Variants in MCPH1 observed in about 807,000 individuals in gnomAD.
The protein encoded by MCPH1 is microcephalin 1.
A neutral mutation model predicts 84.5 loss-of-function variants in MCPH1; 104 were observed. The observed-to-expected ratio is 1.23, with a 90% CI of 1.05 to 1.45. The LOEUF (loss-of-function observed/expected upper bound fraction) is 1.45. Ranked by LOEUF, MCPH1 falls within the 40% of genes most tolerant of loss-of-function variation. The probability of loss-of-function intolerance (pLI) is 0.00; values close to 1 mark genes in which losing one functional copy is unlikely to be tolerated. For synonymous variants in MCPH1, 514 were observed against 366.8 expected (o/e 1.40, Z -4.58); for missense variants, 1,498 against 1,005.7 (o/e 1.49, Z -6.62).
At chr8:6,462,722 T>A (rs1806417106) in intron 9 of MCPH1, among the ~76,000 whole-genome samples, 1 of 152,220 alleles carries the variant, frequency 6.6e-6, no homozygotes. Context: ...CTTCTTTGTG[T>A]ATAAAACAGG....
chr8:6,476,124 T>G (rs1180403494), intron 9 of MCPH1, among the ~76,000 whole-genome samples: 2 of 152,168 alleles, frequency 1.3e-5, no homozygotes, highest in African/African-American at 4.8e-5. Context: ...AGATAATTTG[T>G]AAGCTGTAAT....
At chr8:6,561,601 A>G (rs1406214236) in intron 12 of MCPH1, among the ~76,000 whole-genome samples, 2 of 152,246 alleles carry the variant, frequency 1.3e-5, no homozygotes, top group African/African-American at 4.8e-5. Context: ...AAGACTTTAC[A>G]TAGCTTTAGA....
chr8:6,616,446 A>G (rs1025076805), intron 12 of MCPH1: 5 of 152,242 alleles, frequency 3.3e-5, no homozygotes, highest in African/African-American at 1.2e-4. Context: ...GTCTGCCTTA[A>G]CTGACTTGGA....
intron 12 of MCPH1, among the ~76,000 whole-genome samples, chr8:6,591,002 A>C (rs1193929055): frequency 6.6e-6 from 1 of 152,240 alleles, no homozygotes; most frequent in Non-Finnish European, 1.5e-5. Context: ...CCTGGGCTCA[A>C]GTAATTCTGC....
chr8:6,609,369 A>G (rs906206226), intron 12 of MCPH1, among the ~76,000 whole-genome samples: 10 of 152,238 alleles, frequency 6.6e-5, no homozygotes, highest in Non-Finnish European at 1.0e-4. Context: ...GTTGAAAACT[A>G]TGAGGCATGA....
intron 9 of MCPH1, among the ~76,000 whole-genome samples, chr8:6,474,855 C>G (rs886584207): frequency 6.6e-6 from 1 of 152,146 alleles, no homozygotes; most frequent in Non-Finnish European, 1.5e-5. Flanking sequence ...AATAATAATA[C>G]TTAATGCTGA....
At chr8:6,460,545 C>T (rs1585899826) in intron 9 of MCPH1, among the ~76,000 whole-genome samples, 1 of 152,122 alleles carries the variant, frequency 6.6e-6, no homozygotes, top group East Asian at 1.9e-4. Flanking sequence ...TTCCAGTTCT[C>T]TGTCAAAATT....
chr8:6,407,607 G>C (rs1797926770), intron 1 of MCPH1, among the ~76,000 whole-genome samples: 1 of 152,206 alleles, frequency 6.6e-6, no homozygotes, highest in South Asian at 2.1e-4. Flanking sequence ...ATAGCCAAAA[G>C]TAAAGACTAG....
intron 13 of MCPH1, chr8:6,625,990 G>T: frequency 1.0e-6 from 1 of 985,190 alleles, no homozygotes; most frequent in Non-Finnish European, 1.2e-6. Flanking sequence ...AGGAAGGTGG[G>T]TACTGAAACG....
Position 6,480,891 on chromosome 8 carries a change from T to C in MCPH1, c.2136+15T>C, listed in dbSNP as rs1290443530. On this transcript the variant is annotated intron_variant, in intron 11 of 13. Transcript: ENST00000344683. ...CTTATGATTGGGTAAGCCCTGTGTG[T>C]GAACTGCGTATTTTAAAACAAGGCA... 1 of 1,613,374 alleles carries C rather than the reference T, an allele frequency of 6.2e-7. No homozygotes were observed. Among genetic ancestry groups the C allele is most frequent in the Non-Finnish European group, 8.5e-7 (1 of 1,180,002 alleles).
intron 13 of MCPH1, among the ~76,000 whole-genome samples, chr8:6,623,537 C>A (rs906898545): frequency 1.3e-5 from 2 of 152,000 alleles, no homozygotes; most frequent in Non-Finnish European, 2.9e-5. Context: ...TGTGTTTGTT[C>A]AAGTTACATT....
chr8:6,511,763 A>T (rs1206398957), intron 12 of MCPH1, among the ~76,000 whole-genome samples: 1 of 152,328 alleles, frequency 6.6e-6, no homozygotes, highest in South Asian at 2.1e-4. Context: ...CCAAAAATTG[A>T]TTGCATTTCT....
At chr8:6,438,007 A>G (rs1800795481) in intron 5 of MCPH1, among the ~76,000 whole-genome samples, 1 of 152,184 alleles carries the variant, frequency 6.6e-6, no homozygotes, top group Admixed American at 6.5e-5. Flanking sequence ...ATCCCAAGGA[A>G]AAATATTCAG....
intron 12 of MCPH1, among the ~76,000 whole-genome samples, chr8:6,579,231 G>A (rs1390900103): frequency 6.6e-6 from 1 of 152,230 alleles, no homozygotes; most frequent in African/African-American, 2.4e-5. Flanking sequence ...GTTATTTGGA[G>A]AGTGAAGTGA....
At chr8:6,610,581 ATCT>A (rs1286677093) in intron 12 of MCPH1, among the ~76,000 whole-genome samples, 1 of 152,172 alleles carries the variant, frequency 6.6e-6, no homozygotes, top group African/African-American at 2.4e-5. Flanking sequence ...AACAGCATCT[ATCT>A]TCTTTCTTTT....
In MCPH1 at chr8:6,592,641, T is replaced by TTTTG. The variant is rs1238168977; in HGVS notation, c.2215-28811_2215-28810insTGTT. On this transcript the variant is annotated intron_variant, in intron 12 of 13. Coordinates refer to ENST00000344683, the MANE Select transcript of MCPH1 (RefSeq NM_024596.5). ...TTTTTTTGTTTTTTTTTTTTTTTTT[T>TTTTG]TTGTTGCTGTTGTTGTTTGTTTGTT... is the stretch of plus-strand genomic sequence containing the variant. Among the ~76,000 whole-genome samples the TTTTG allele has an allele frequency of 1.2e-3, 124 of 107,374 alleles. No homozygotes were observed. The Middle Eastern group carries it at 0.014, about 12-fold the overall frequency. The allele number at this position is 107,374 out of a possible 152,430, so 70.4% of individuals were successfully genotyped here.
At chr8:6,636,954 C>G (rs1314256570) in intron 13 of MCPH1, among the ~76,000 whole-genome samples, 1 of 152,202 alleles carries the variant, frequency 6.6e-6, no homozygotes, top group African/African-American at 2.4e-5. Flanking sequence ...ACTTTCTTGT[C>G]TGTGACACAT....
At chr8:6,624,808 T>C (rs1831886164) in intron 13 of MCPH1, 1 of 985,354 alleles carries the variant, frequency 1.0e-6, no homozygotes, top group Non-Finnish European at 1.2e-6. Flanking sequence ...GTCCAGGGCA[T>C]TGCGTTTCCT....
At chr8:6,470,443 C>A (rs984209545) in intron 9 of MCPH1, among the ~76,000 whole-genome samples, 2 of 152,096 alleles carry the variant, frequency 1.3e-5, no homozygotes, top group Non-Finnish European at 2.9e-5. Flanking sequence ...TGCCACCACA[C>A]CCAGCTAATT....
Sources: allele counts gnomAD v4.1 joint callset (sites outside exome capture counted in the v4.1 genomes callset), GRCh38; gene constraint gnomAD v4.1.1; transcripts MANE v1.5; gene names NCBI Gene and HGNC (gene_info 2026-07-23, HGNC 2026-07-21).